The following WDR11 variants were observed in gnomAD, a reference collection of about 807,000 sequenced individuals.
WDR11 encodes the protein WD repeat-containing protein 11.
A neutral mutation model predicts 151.2 loss-of-function variants in WDR11; 83 were observed. The observed-to-expected ratio is 0.55, with a 90% CI of 0.46 to 0.66. WDR11 has a LOEUF of 0.66. WDR11 is among the 30% of genes least tolerant of loss of function. WDR11 has a pLI of 0.00. For missense variants in WDR11, 1,301 were observed against 1,480.9 expected (o/e 0.88, Z 1.99); for synonymous variants, 484 against 533.1 (o/e 0.91, Z 1.27).
intron 2 of WDR11, among the ~76,000 whole-genome samples, chr10:120,855,159 C>T (rs1845904622): frequency 6.6e-6 from 1 of 152,094 alleles, no homozygotes; most frequent in African/African-American, 2.4e-5. Flanking sequence ...TACTCTTGCA[C>T]TTTGGGGGCA....
chr10:120,900,193 C>A, intron 20 of WDR11, 56 bp downstream of exon 20: 2 of 1,439,946 alleles, frequency 1.4e-6, no homozygotes, highest in South Asian at 1.1e-5. Flanking sequence ...GAAAGACACC[C>A]ATGAAAGTCA....
chr10:120,857,632 G>A lies in WDR11; in HGVS notation c.199-1011G>A, dbSNP rs900037449. On this transcript the variant is annotated intron_variant, in intron 2 of 28. Coordinates refer to ENST00000263461, the MANE Select transcript of WDR11 (RefSeq NM_018117.12). ...CTGTTCACGCTCATTTTCAGAAAACGTTGTTTCCATCTTTTTCATGAATAC... is the reference window on the plus strand; with the variant it reads ...CTGTTCACGCTCATTTTCAGAAAACATTGTTTCCATCTTTTTCATGAATAC... Among the ~76,000 whole-genome samples, 9 of 152,018 alleles carry A rather than the reference G, an allele frequency of 5.9e-5. No homozygotes were observed. The South Asian group carries it at 8.3e-4, about 14-fold the overall frequency.
rs139215285 is a variant in WDR11, at chr10:120,889,398, C to T, written c.2228+214C>T. ...GACTACAGGCACCCACCACCACGCCCGGCTAATTTTTTTGTATTTTTTTAG... is the reference window on the plus strand; with the variant it reads ...GACTACAGGCACCCACCACCACGCCTGGCTAATTTTTTTGTATTTTTTTAG... On this transcript the variant is annotated intron_variant, in intron 17 of 28. Transcript: ENST00000263461. The T allele has an allele frequency of 0.02, 9,697 of 496,748 alleles. 765 individuals are homozygous for T. The highest frequency in any genetic ancestry group is 0.17 in the African/African-American group (8,608 of 51,332). 30.8% of individuals were successfully genotyped at this position (496,748 alleles called of 1,614,324 possible). A position where few individuals can be genotyped will look rare whatever the true frequency, so the allele number is the denominator to read the frequency against.
intron 19 of WDR11, among the ~76,000 whole-genome samples, chr10:120,898,925 T>C (rs1253232858): frequency 6.6e-6 from 1 of 152,178 alleles, no homozygotes; most frequent in Non-Finnish European, 1.5e-5. Context: ...TTTGTGTCAT[T>C]TTACATAATT....
At chr10:120,905,502 A>AT in intron 26 of WDR11, 86 bp downstream of exon 26, 1 of 1,456,052 alleles carries the variant, frequency 6.9e-7, no homozygotes. Flanking sequence ...ACTTAGAAAC[A>AT]TTTTTTGGCC....
chr10:120,851,550 G>A, intron 1 of WDR11, 44 bp downstream of exon 1: 1 of 1,589,954 alleles, frequency 6.3e-7, no homozygotes, highest in Non-Finnish European at 8.6e-7. Context: ...GGCCAGGAAT[G>A]TGTGAGGGGG....
chr10:120,906,460 T>A (rs1386991124), intron 27 of WDR11: 17 of 1,264,514 alleles, frequency 1.3e-5, no homozygotes, highest in Non-Finnish European at 1.6e-5. Flanking sequence ...GGAGGTAGAT[T>A]ACGGAAATAT....
Position 120,909,123 on chromosome 10 carries a change from T to G in WDR11, c.*410T>G, listed in dbSNP as rs79166408. 2.3e-4 allele frequency: 50 copies of G among 217,794 alleles called. 1 individual carries two copies. In the East Asian group the frequency reaches 5.5e-3, roughly 24 times the overall value. The allele number at this position is 217,794 out of a possible 1,614,324, so 13.5% of individuals were successfully genotyped here. On this transcript the variant is annotated 3_prime_UTR_variant, in exon 29 of 29. Transcript: ENST00000263461. Reference sequence around the variant, plus strand: ...TTTTCTCAAATATATGCTGTGCCTGTACTTATATACAGTCTTTCAAGAGAG... The same window carrying G: ...TTTTCTCAAATATATGCTGTGCCTGGACTTATATACAGTCTTTCAAGAGAG...
chr10:120,904,288 AAAT>A, intron 24 of WDR11, 146 bp downstream of exon 24: 1 of 703,128 alleles, frequency 1.4e-6, no homozygotes, highest in Non-Finnish European at 2.4e-6. Flanking sequence ...CTTTCTTTCA[AAAT>A]AATACCAATA....
At chr10:120,883,327 C>T (rs1847094213) in intron 13 of WDR11, among the ~76,000 whole-genome samples, 2 of 152,192 alleles carry the variant, frequency 1.3e-5, no homozygotes, top group Non-Finnish European at 2.9e-5. Context: ...TCATTCAGTA[C>T]TTCTTTCAGG....
intron 14 of WDR11, among the ~76,000 whole-genome samples, chr10:120,884,530 A>T (rs908608569): frequency 6.6e-6 from 1 of 152,260 alleles, no homozygotes; most frequent in East Asian, 1.9e-4. Flanking sequence ...AAAGCTATAA[A>T]ATTGAATATA....
intron 3 of WDR11, among the ~76,000 whole-genome samples, chr10:120,859,298 C>T (rs12359633): frequency 1.4e-5 from 2 of 140,188 alleles, no homozygotes; most frequent in African/African-American, 2.7e-5. Context: ...GATGGAGTGT[C>T]GCTCTGTTGC....
intron 16 of WDR11, 44 bp downstream of exon 16, chr10:120,886,880 T>C (rs1188580416): frequency 1.2e-6 from 2 of 1,610,762 alleles, no homozygotes; most frequent in Non-Finnish European, 1.7e-6. Flanking sequence ...AGATTTTGTT[T>C]TGTTGGTTCC....
intron 2 of WDR11, among the ~76,000 whole-genome samples, chr10:120,854,159 A>G (rs1241075927): frequency 6.6e-6 from 1 of 152,158 alleles, no homozygotes; most frequent in Non-Finnish European, 1.5e-5. Flanking sequence ...GAAACCCTAT[A>G]TCCACTAGCA....
chr10:120,865,765 A>G, intron 7 of WDR11, 21 bp downstream of exon 7: 2 of 1,495,210 alleles, frequency 1.3e-6, no homozygotes, highest in East Asian at 2.3e-5. Context: ...GTCTCACAAT[A>G]ATGTTATATT....
intron 11 of WDR11, among the ~76,000 whole-genome samples, chr10:120,875,833 A>G (rs1218406227): frequency 2.6e-5 from 4 of 151,480 alleles, no homozygotes; most frequent in African/African-American, 9.7e-5. Flanking sequence ...ATGATCTTTC[A>G]GTGAAAGCAT....
In WDR11 at chr10:120,871,363, G is replaced by T. The variant is rs766236821; in HGVS notation, c.1471+17G>T. The T allele has an allele frequency of 6.2e-6, 10 of 1,609,568 alleles. No individual in the cohort carries two copies. Among genetic ancestry groups the T allele is most frequent in the African/African-American group, 1.3e-5 (1 of 74,352 alleles). ...TGGCTGTTGGTGAGTATTTGACCTG[G>T]TCTTTTTTTTTTTAACTCACTTTAT... On this transcript the variant is annotated intron_variant, in intron 10 of 28. Transcript: ENST00000263461.
intron 11 of WDR11, among the ~76,000 whole-genome samples, chr10:120,876,377 G>T (rs1400417468): frequency 6.6e-6 from 1 of 152,192 alleles, no homozygotes. Context: ...GTGTGGTGCA[G>T]CCCAGGTGAC....
At chr10:120,858,199 T>G (rs1366040067) in intron 2 of WDR11, among the ~76,000 whole-genome samples, 1 of 152,140 alleles carries the variant, frequency 6.6e-6, no homozygotes, top group Non-Finnish European at 1.5e-5. Context: ...GTTTTTTGTT[T>G]GACTTTGCCT....
Sources: allele counts gnomAD v4.1 joint callset (sites outside exome capture counted in the v4.1 genomes callset), GRCh38; gene constraint gnomAD v4.1.1; transcripts MANE v1.5; gene names NCBI Gene and HGNC (gene_info 2026-07-23, HGNC 2026-07-21).